CHRM2: variants seen among roughly 807,000 people sequenced by gnomAD.
CHRM2 encodes muscarinic acetylcholine receptor M2.
In CHRM2, 8 loss-of-function variants were observed where a neutral mutation model predicts 25.0. The ratio of observed to expected loss-of-function variants is 0.32; its 90% CI spans 0.19 to 0.58. The LOEUF (loss-of-function observed/expected upper bound fraction) is 0.58, where lower values mean the gene tolerates loss of function less well. CHRM2 is among the 20% of genes least tolerant of loss of function. CHRM2 has a pLI of 0.88. For synonymous variants in CHRM2, 202 were observed against 205.7 expected, an observed-to-expected ratio of 0.98 and a Z score of 0.15; for missense variants, 440 against 567.1, an observed-to-expected ratio of 0.78 and a Z score of 2.28.
intron 2 of CHRM2, chr7:136,938,516 G>T: frequency 1.0e-6 from 1 of 990,252 alleles, no homozygotes. Context: ...GGGCTCAGCA[G>T]GCTCTGGTTG....
chr7:136,871,374 G>GGGC (rs950323914), intron 2 of CHRM2: 1 of 152,538 alleles, frequency 6.6e-6, no homozygotes, highest in Non-Finnish European at 1.5e-5. Context: ...GCCCACCCGC[G>GGGC]GGCGGCAGCT....
At chr7:136,898,771 G>C (rs1334673121) in intron 2 of CHRM2, 5 of 151,986 alleles carry the variant, frequency 3.3e-5, no homozygotes, top group African/African-American at 1.2e-4. Context: ...GCCACACAAA[G>C]TAGTATATCA....
chr7:136,913,691 T>C (rs1190828990), intron 2 of CHRM2, among the ~76,000 whole-genome samples: 1 of 151,942 alleles, frequency 6.6e-6, no homozygotes, highest in African/African-American at 2.4e-5. Context: ...TCTGAGTGCC[T>C]ACTAACTGCT....
At chr7:136,872,427 C>T (rs956365842) in intron 2 of CHRM2, among the ~76,000 whole-genome samples, 1 of 152,176 alleles carries the variant, frequency 6.6e-6, no homozygotes, top group African/African-American at 2.4e-5. Flanking sequence ...CTGTTGTCTT[C>T]ATGTTAAAAA....
intron 2 of CHRM2, among the ~76,000 whole-genome samples, chr7:136,980,036 A>G (rs1802378218): frequency 6.6e-6 from 1 of 152,256 alleles, no homozygotes; most frequent in African/African-American, 2.4e-5. Context: ...TTCTTTGGTC[A>G]GTATGGCCAT....
chr7:136,928,055 T>C (rs1437722071), intron 2 of CHRM2, among the ~76,000 whole-genome samples: 1 of 152,192 alleles, frequency 6.6e-6, no homozygotes, highest in Non-Finnish European at 1.5e-5. Context: ...GTGGCATTAC[T>C]GGAGAGAATT....
At chr7:136,902,834 A>G (rs1229581493) in intron 2 of CHRM2, 1 of 279,482 alleles carries the variant, frequency 3.6e-6, no homozygotes, top group African/African-American at 2.3e-5. Context: ...AATCAAGTAC[A>G]ATTTAATATG....
chr7:136,894,529 G>A (rs771409512), intron 2 of CHRM2, among the ~76,000 whole-genome samples: 1 of 151,886 alleles, frequency 6.6e-6, no homozygotes, highest in African/African-American at 2.4e-5. Context: ...ATGCCACCAC[G>A]CCTGACTAAT....
chr7:136,892,125 C>T (rs1421714969), intron 2 of CHRM2, among the ~76,000 whole-genome samples: 1 of 152,198 alleles, frequency 6.6e-6, no homozygotes, highest in East Asian at 1.9e-4. Context: ...ATTTGAAAGA[C>T]AAGGAAAGAG....
intron 2 of CHRM2, among the ~76,000 whole-genome samples, chr7:136,887,507 G>A (rs1378791798): frequency 1.3e-5 from 2 of 152,050 alleles, no homozygotes. Flanking sequence ...ATCTCACTGT[G>A]CCATTGCCTG....
intron 2 of CHRM2, among the ~76,000 whole-genome samples, chr7:136,961,713 G>C (rs1479503600): frequency 6.6e-6 from 1 of 152,012 alleles, no homozygotes; most frequent in Non-Finnish European, 1.5e-5. Flanking sequence ...ACTGGAAGAT[G>C]TATCTAGATA....
At chr7:136,973,858 T>C (rs1801942737) in intron 2 of CHRM2, among the ~76,000 whole-genome samples, 1 of 152,066 alleles carries the variant, frequency 6.6e-6, no homozygotes, top group South Asian at 2.1e-4. Flanking sequence ...CTTGGGATGA[T>C]TTTATCCCAC....
intron 2 of CHRM2, among the ~76,000 whole-genome samples, chr7:136,940,975 G>A (rs895833995): frequency 6.6e-6 from 1 of 152,150 alleles, no homozygotes; most frequent in African/African-American, 2.4e-5. Context: ...GGACTGTCAA[G>A]TACAACAGGG....
chr7:136,956,566 C>T (rs985929142), intron 2 of CHRM2, among the ~76,000 whole-genome samples: 1 of 152,108 alleles, frequency 6.6e-6, no homozygotes, highest in African/African-American at 2.4e-5. Flanking sequence ...CAAAAGAAGA[C>T]AGGAAGCCTC....
chr7:136,902,973 T>A (rs1797313111), intron 2 of CHRM2: 1 of 376,154 alleles, frequency 2.7e-6, no homozygotes, highest in Non-Finnish European at 5.1e-6. Flanking sequence ...ACAAAGCTTC[T>A]CAGCCTGGGA....
At chr7:136,970,904 A>G (rs1243322517) in intron 2 of CHRM2, among the ~76,000 whole-genome samples, 3 of 152,160 alleles carry the variant, frequency 2.0e-5, no homozygotes, top group Non-Finnish European at 4.4e-5. Flanking sequence ...CCATTGAGAA[A>G]CCATGAGATG....
intron 2 of CHRM2, among the ~76,000 whole-genome samples, chr7:136,941,051 C>T (rs1584793855): frequency 6.6e-6 from 1 of 152,188 alleles, no homozygotes; most frequent in Non-Finnish European, 1.5e-5. Context: ...CCTAGTTCAT[C>T]CCCTTATCTG....
chr7:137,018,080 T>C lies in CHRM2; in HGVS notation c.*1814T>C, dbSNP rs578173881. On this transcript the variant is annotated 3_prime_UTR_variant, in exon 4 of 4. Coordinates refer to ENST00000680005, the MANE Select transcript of CHRM2 (RefSeq NM_001006630.2). The stretch of plus-strand genomic sequence containing the variant: ...GATATCTTGTTCAGTAATAATAATG[T>C]TAGTTACATGGTAAATTTATCAATA... 6.6e-6 allele frequency: 1 copy of C among 151,916 alleles called. No homozygotes were observed. The highest frequency in any genetic ancestry group is 1.5e-5 in the Non-Finnish European group (1 of 67,912). 9.4% of individuals were successfully genotyped at this position (151,916 alleles called of 1,614,324 possible). A position where few individuals can be genotyped will look rare whatever the true frequency, so the allele number is the denominator to read the frequency against.
chr7:137,002,350 T>G (rs1804107017), intron 3 of CHRM2, among the ~76,000 whole-genome samples: 1 of 152,210 alleles, frequency 6.6e-6, no homozygotes, highest in East Asian at 1.9e-4. Context: ...TATTTTTATA[T>G]TTTTCAACAA....
Sources: gnomAD v4.1 joint callset for allele counts (sites outside exome capture counted in the v4.1 genomes callset) on GRCh38, gnomAD v4.1.1 for gene constraint, MANE v1.5 for transcripts, NCBI Gene and HGNC (gene_info 2026-07-23, HGNC 2026-07-21) for gene names.